The following STXBP5L variants were observed in gnomAD, a reference collection of about 807,000 sequenced individuals.
The protein encoded by STXBP5L is syntaxin binding protein 5L.
In STXBP5L, 65 loss-of-function variants were observed where a neutral mutation model predicts 144.5. The observed-to-expected ratio is 0.45, with a 90% confidence interval of 0.37 to 0.55. The LOEUF (loss-of-function observed/expected upper bound fraction) is 0.55, where lower values mean the gene tolerates loss of function less well. Ranked by LOEUF, STXBP5L falls within the 20% of genes least tolerant of loss-of-function variation. The probability of loss-of-function intolerance (pLI) is 0.00; values close to 1 mark genes in which losing one functional copy is unlikely to be tolerated. For missense variants in STXBP5L, 1,298 were observed against 1,405.5 expected, an observed-to-expected ratio of 0.92 and a Z score of 1.22; for synonymous variants, 505 against 469.6, an observed-to-expected ratio of 1.08 and a Z score of -0.97.
chr3:121,126,607 G>T (rs889783462), intron 7 of STXBP5L, among the ~76,000 whole-genome samples: 1 of 152,134 alleles, frequency 6.6e-6, no homozygotes, highest in African/African-American at 2.4e-5. Context: ...TAATTGATAT[G>T]GGGTAATGAT....
At chr3:121,268,136 T>C (rs974490280) in intron 18 of STXBP5L, among the ~76,000 whole-genome samples, 2 of 152,174 alleles carry the variant, frequency 1.3e-5, no homozygotes, top group Admixed American at 6.5e-5. Context: ...CTGTCCACGA[T>C]AGCAAAGACT....
intron 10 of STXBP5L, among the ~76,000 whole-genome samples, chr3:121,216,186 C>A (rs2048769800): frequency 6.6e-6 from 1 of 152,208 alleles, no homozygotes; most frequent in Non-Finnish European, 1.5e-5. Flanking sequence ...CTGAAGCCTA[C>A]ATCTTTCAAT....
At chr3:121,048,403 T>G (rs1947674391) in intron 5 of STXBP5L, among the ~76,000 whole-genome samples, 1 of 152,180 alleles carries the variant, frequency 6.6e-6, no homozygotes, top group Non-Finnish European at 1.5e-5. Flanking sequence ...CTAGTGAGGC[T>G]GGGGACGTTT....
At chr3:121,380,380 C>T (rs951400877) in intron 21 of STXBP5L, among the ~76,000 whole-genome samples, 2 of 152,110 alleles carry the variant, frequency 1.3e-5, no homozygotes, top group African/African-American at 4.8e-5. Flanking sequence ...TATTTATCCT[C>T]TTTCTATAAA....
At chr3:120,925,831 C>T (rs910042236) in intron 2 of STXBP5L, among the ~76,000 whole-genome samples, 3 of 152,080 alleles carry the variant, frequency 2.0e-5, no homozygotes, top group Non-Finnish European at 4.4e-5. Flanking sequence ...ACTGTTATTG[C>T]CATGAGGCTT....
chr3:120,968,561 G>A (rs993488444), intron 3 of STXBP5L, among the ~76,000 whole-genome samples: 1 of 152,020 alleles, frequency 6.6e-6, no homozygotes, highest in African/African-American at 2.4e-5. Flanking sequence ...CAGCCACCCT[G>A]CATTTTAATT....
At chr3:121,091,885 C>G (rs1019902558) in intron 5 of STXBP5L, among the ~76,000 whole-genome samples, 9 of 152,120 alleles carry the variant, frequency 5.9e-5, no homozygotes, top group African/African-American at 1.9e-4. Context: ...CCTAGGTTTT[C>G]TTCTAGGATC....
rs191733827 is a variant in STXBP5L, at chr3:121,396,008, C to T, written c.2588-11235C>T. The stretch of plus-strand genomic sequence containing the variant: ...ATCCAAATTGGCTGTTGATTTTGGC[C>T]TGGAGAAACACAAGCATAACGTCTA... On this transcript the variant is annotated intron_variant, in intron 22 of 26. Coordinates refer to ENST00000471454, the MANE Select transcript of STXBP5L (RefSeq NM_001308330.2). Among the ~76,000 whole-genome samples the T allele has an allele frequency of 2.0e-4, 31 of 152,310 alleles. No individual in the cohort carries two copies. In the East Asian group the frequency reaches 5.8e-3, roughly 28 times the overall value.
chr3:121,054,809 A>C (rs926560735), intron 5 of STXBP5L, among the ~76,000 whole-genome samples: 2 of 152,078 alleles, frequency 1.3e-5, no homozygotes, highest in African/African-American at 4.8e-5. Context: ...TAACCTATTT[A>C]GATCACCATA....
chr3:121,077,414 GTTTC>G (rs780251445), intron 5 of STXBP5L, among the ~76,000 whole-genome samples: 41 of 152,134 alleles, frequency 2.7e-4, no homozygotes, highest in Non-Finnish European at 4.1e-4. Context: ...TGTGTTCGGA[GTTTC>G]TTCCTTCTGG....
intron 3 of STXBP5L, among the ~76,000 whole-genome samples, chr3:121,037,516 G>A (rs1420108945): frequency 2.6e-5 from 4 of 151,948 alleles, no homozygotes; most frequent in African/African-American, 9.7e-5. Flanking sequence ...TTGGCCTTAT[G>A]AAGCACTATA....
chr3:120,963,173 G>T (rs913887710), intron 3 of STXBP5L, among the ~76,000 whole-genome samples: 1 of 152,156 alleles, frequency 6.6e-6, no homozygotes, highest in Non-Finnish European at 1.5e-5. Context: ...AGGAGATTTT[G>T]GGCTGAGGCA....
chr3:121,083,109 G>A (rs1257785415), intron 5 of STXBP5L, among the ~76,000 whole-genome samples: 2 of 152,116 alleles, frequency 1.3e-5, no homozygotes, highest in Admixed American at 1.3e-4. Context: ...CGAGGCAGGA[G>A]AATTGCTTGA....
intron 9 of STXBP5L, among the ~76,000 whole-genome samples, chr3:121,192,860 A>G (rs2047754630): frequency 6.6e-6 from 1 of 152,212 alleles, no homozygotes; most frequent in Non-Finnish European, 1.5e-5. Context: ...ACCTAAAACC[A>G]TAAAAACCCT....
At chr3:121,354,764 C>T (rs6438618) in intron 20 of STXBP5L, among the ~76,000 whole-genome samples, 113,705 of 151,942 alleles carry the variant, frequency 0.75, 42,700 homozygotes, top group East Asian at 0.93. Context: ...TGCCCGTTAA[C>T]TGATGCAGTT....
At chr3:121,213,028 T>C (rs1377977254) in intron 10 of STXBP5L, among the ~76,000 whole-genome samples, 2 of 152,194 alleles carry the variant, frequency 1.3e-5, no homozygotes, top group Non-Finnish European at 1.5e-5. Context: ...TATTGGTGTA[T>C]AGGAATTCTT....
chr3:121,378,499 A>C (rs1446035031), intron 20 of STXBP5L, among the ~76,000 whole-genome samples: 1 of 152,214 alleles, frequency 6.6e-6, no homozygotes, highest in Non-Finnish European at 1.5e-5. Flanking sequence ...CAAAATATAA[A>C]AAAATGAATC....
chr3:120,974,796 G>T (rs77538873), intron 3 of STXBP5L, among the ~76,000 whole-genome samples: 103 of 151,972 alleles, frequency 6.8e-4, no homozygotes, highest in Admixed American at 2.8e-3. Context: ...TTATTAAATA[G>T]GGAATCCTTT....
intron 3 of STXBP5L, among the ~76,000 whole-genome samples, chr3:121,003,626 C>A (rs1943981774): frequency 1.3e-5 from 2 of 152,124 alleles, no homozygotes. Flanking sequence ...AAGTCCTTGC[C>A]CATGCCTATG....
Sources: allele counts gnomAD v4.1 joint callset (sites outside exome capture counted in the v4.1 genomes callset), GRCh38; gene constraint gnomAD v4.1.1; transcripts MANE v1.5; gene names NCBI Gene and HGNC (gene_info 2026-07-23, HGNC 2026-07-21).